Variants in SMAD9 observed in about 807,000 individuals in gnomAD.
The protein encoded by SMAD9 is SMAD family member 9, also known as MAD homolog 9.
Under a neutral mutation model 46.1 loss-of-function variants are expected in SMAD9, and 36 were observed. The observed-to-expected ratio is 0.78, with a 90% CI of 0.60 to 1.03. SMAD9 has a LOEUF of 1.03. SMAD9 is among the 50% of genes least tolerant of loss of function. The pLI is 0.00. For missense variants in SMAD9, 572 were observed against 599.8 expected (o/e 0.95, Z 0.48); for synonymous variants, 245 against 237.1 (o/e 1.03, Z -0.31).
At chr13:36,900,039 T>C (rs966192513) in intron 1 of SMAD9, among the ~76,000 whole-genome samples, 1 of 152,114 alleles carries the variant, frequency 6.6e-6, no homozygotes, top group Non-Finnish European at 1.5e-5. Context: ...ATTAGAATGA[T>C]CCTGCTTGAG....
chr13:36,869,153 G>A (rs2058264287), intron 3 of SMAD9, among the ~76,000 whole-genome samples: 1 of 151,934 alleles, frequency 6.6e-6, no homozygotes, highest in South Asian at 2.1e-4. Context: ...CGGAGTTTCC[G>A]TTTGGGGTGA....
intron 5 of SMAD9, among the ~76,000 whole-genome samples, chr13:36,861,844 G>A (rs180982156): frequency 5.2e-4 from 78 of 151,432 alleles, no homozygotes; most frequent in African/African-American, 1.7e-3. Flanking sequence ...CAGGAGAATC[G>A]CTTGAACCCT....
chr13:36,898,060 G>GGA (rs2138616110), intron 1 of SMAD9, among the ~76,000 whole-genome samples: 1 of 151,614 alleles, frequency 6.6e-6, no homozygotes, highest in Non-Finnish European at 1.5e-5. Context: ...GGGTTTCACC[G>GGA]TGTTAGCCAG....
intron 1 of SMAD9, among the ~76,000 whole-genome samples, chr13:36,919,765 G>A (rs1347528896): frequency 6.6e-6 from 1 of 150,978 alleles, no homozygotes; most frequent in Non-Finnish European, 1.5e-5. Context: ...GCAGGCGCGA[G>A]GAAGGCGAGC....
intron 5 of SMAD9, among the ~76,000 whole-genome samples, chr13:36,854,261 C>CAA (rs2058101269): frequency 6.6e-6 from 1 of 152,200 alleles, no homozygotes; most frequent in South Asian, 2.1e-4. Flanking sequence ...ACTATTCCTC[C>CAA]CATCATTCCT....
intron 1 of SMAD9, among the ~76,000 whole-genome samples, chr13:36,915,332 C>T (rs1487107653): frequency 6.6e-6 from 1 of 152,222 alleles, no homozygotes; most frequent in Non-Finnish European, 1.5e-5. Context: ...ACTCCTAGTG[C>T]TTGTAAACTG....
chr13:36,850,107 TTTC>T (rs1463582935), intron 6 of SMAD9: 1 of 152,176 alleles, frequency 6.6e-6, no homozygotes, highest in African/African-American at 2.4e-5. Flanking sequence ...CAACAAAACT[TTTC>T]TTGTCAAGAT....
chr13:36,879,489 T>C lies in SMAD9; in HGVS notation c.201A>G (p.Lys67=), dbSNP rs778076269. 24 of 1,613,866 alleles carry C rather than the reference T, an allele frequency of 1.5e-5. No individual in the cohort carries two copies. In the South Asian group the frequency reaches 2.5e-4, roughly 17 times the overall value. The change falls in exon 2 of 7, where the codon AAA becomes AAG. Residue 67 remains lysine (K), a synonymous_variant. Transcript: ENST00000379826. The part of the protein sequence containing the change: ...RALSCPGQPS[K]CVTIPRSLDG... ...CCAGGGAGCGGGGAATCGTGACGCA[T>C]TTGCTGGGCTGCCCCGGGCAGCTGA... is the stretch of plus-strand genomic sequence containing the variant.
chr13:36,879,303 G>GT lies in SMAD9; in HGVS notation c.386dup (p.Tyr129Ter), dbSNP rs2138492919. Residue 129 changes from tyrosine (Y) to a stop codon, truncating the protein, a stop_gained and frameshift_variant, in exon 2 of 7, where the codon TAC becomes TAAC. Coordinates refer to ENST00000379826, the MANE Select transcript of SMAD9 (RefSeq NM_001127217.3). LOFTEE classifies it high-confidence loss of function. ...CTGGAGTCTCCACCCGGCGGTAGTGGTAAGGGTTAATGCACACTTCTTTCT... is the reference window on the plus strand; with the variant it reads ...CTGGAGTCTCCACCCGGCGGTAGTGGTTAAGGGTTAATGCACACTTCTTTCT... ...SKQKEVCINP[Y>*]HYRRVETPVL... The GT allele has an allele frequency of 3.7e-6, 6 of 1,614,110 alleles. No individual in the cohort carries two copies. Among genetic ancestry groups the GT allele is most frequent in the Non-Finnish European group, 5.1e-6 (6 of 1,180,032 alleles).
At chr13:36,868,927 A>G (rs1277218923) in intron 3 of SMAD9, among the ~76,000 whole-genome samples, 1 of 152,254 alleles carries the variant, frequency 6.6e-6, no homozygotes, top group Non-Finnish European at 1.5e-5. Context: ...ACAATGAGAT[A>G]TCGTTCAGTC....
chr13:36,905,519 G>A (rs556781409), intron 1 of SMAD9, among the ~76,000 whole-genome samples: 15 of 152,168 alleles, frequency 9.9e-5, no homozygotes, highest in East Asian at 3.9e-4. Context: ...ACTTTGGGAT[G>A]CCAAGGCGGG....
chr13:36,895,265 T>TAGG (rs2058518869), intron 1 of SMAD9, among the ~76,000 whole-genome samples: 1 of 152,196 alleles, frequency 6.6e-6, no homozygotes, highest in Admixed American at 6.5e-5. Context: ...CTCTTAGACA[T>TAGG]GACTAAGAGG....
chr13:36,872,839 G>A lies in SMAD9; in HGVS notation c.489C>T (p.Ala163=). ...QLSLLAKFRS[A]SLHSEPLMPH... Reference sequence around the variant, plus strand: ...GCATGAGTGGCTCACTGTGCAGGGAGGCGCTGCGGAACTTGGCCAGGAGGC... The same window carrying A: ...GCATGAGTGGCTCACTGTGCAGGGAAGCGCTGCGGAACTTGGCCAGGAGGC... The change falls in exon 3 of 7, where the codon GCC becomes GCT. Residue 163 remains alanine, a synonymous_variant. Coordinates refer to ENST00000379826, the MANE Select transcript of SMAD9 (RefSeq NM_001127217.3). 1 of 1,614,126 alleles carries A rather than the reference G, an allele frequency of 6.2e-7. No homozygotes were observed. Among genetic ancestry groups the A allele is most frequent in the Non-Finnish European group, 8.5e-7 (1 of 1,180,022 alleles).
Position 36,866,045 on chromosome 13 carries a change from C to T in SMAD9, c.782-287G>A, listed in dbSNP as rs150937691. ...CATGAAGGGGCCAGGGAAAACATGA[C>T]ATGAACAGATGAACATAAAAAAACT... On this transcript the variant is annotated intron_variant, in intron 4 of 6. Transcript: ENST00000379826. 3.2e-3 allele frequency among the ~76,000 whole-genome samples: 481 copies of T among 152,230 alleles called. 6 individuals are homozygous for T. Among genetic ancestry groups the T allele is most frequent in the African/African-American group, 0.011 (449 of 41,548 alleles).
At chr13:36,853,830 A>G (rs1198875978) in intron 5 of SMAD9, among the ~76,000 whole-genome samples, 155 bp from the exon 6 acceptor site, 1 of 152,198 alleles carries the variant, frequency 6.6e-6, no homozygotes, top group African/African-American at 2.4e-5. Context: ...CGCTTAGTTT[A>G]ATGATAATCT....
In SMAD9 at chr13:36,894,988, T is replaced by C. The variant is rs181979647; in HGVS notation, c.-186-15113A>G. On this transcript the variant is annotated intron_variant, in intron 1 of 6. Transcript: ENST00000379826. ...AAGGAGGGCTATCAGTTTTCCCGAA[T>C]TGTTTGGTAGTGAGGGGCTCCAAAC... Among the ~76,000 whole-genome samples the C allele has an allele frequency of 1.3e-3, 196 of 152,296 alleles. 1 individual carries two copies. The highest frequency in any genetic ancestry group is 3.4e-3 in the Middle Eastern group (1 of 294).
intron 1 of SMAD9, among the ~76,000 whole-genome samples, chr13:36,892,324 G>C (rs1276414959): frequency 6.6e-6 from 1 of 152,098 alleles, no homozygotes; most frequent in East Asian, 1.9e-4. Context: ...ATGTGCTAAG[G>C]AGTCATGAAA....
chr13:36,919,222 G>A (rs1396981967), intron 1 of SMAD9, among the ~76,000 whole-genome samples: 1 of 152,160 alleles, frequency 6.6e-6, no homozygotes, highest in Non-Finnish European at 1.5e-5. Flanking sequence ...GCAGGAGGAG[G>A]AAGGAATAGT....
At chr13:36,863,240 C>T (rs1373774522) in intron 5 of SMAD9, among the ~76,000 whole-genome samples, 1 of 152,132 alleles carries the variant, frequency 6.6e-6, no homozygotes, top group East Asian at 1.9e-4. Context: ...TAAAATCTCC[C>T]AAGCCAACAC....
Sources: gnomAD v4.1 joint callset for allele counts (sites outside exome capture counted in the v4.1 genomes callset) on GRCh38, gnomAD v4.1.1 for gene constraint, MANE v1.5 for transcripts, NCBI Gene and HGNC (gene_info 2026-07-23, HGNC 2026-07-21) for gene names.